Variants in CSMD1 observed in about 807,000 individuals in gnomAD.
The protein encoded by CSMD1 is CUB and Sushi multiple domains 1, also known as CUB and sushi domain-containing protein 1.
CSMD1 carries 213 observed loss-of-function variants against 417.5 expected under a neutral mutation model. The observed-to-expected ratio is 0.51, with a 90% CI of 0.46 to 0.57. The LOEUF (loss-of-function observed/expected upper bound fraction) is 0.57, where lower values mean the gene tolerates loss of function less well. Ranked by LOEUF, CSMD1 falls within the 20% of genes least tolerant of loss-of-function variation. The pLI, the probability that CSMD1 is intolerant of heterozygous loss-of-function variation, is 0.00. For synonymous variants in CSMD1, 2,862 were observed against 1,736.8 expected (o/e 1.65, Z -16.11); for missense variants, 6,923 against 4,529.7 (o/e 1.53, Z -15.17).
chr8:4,211,833 C>G (rs1226446903), intron 3 of CSMD1, among the ~76,000 whole-genome samples: 1 of 152,152 alleles, frequency 6.6e-6, no homozygotes, highest in Non-Finnish European at 1.5e-5. Flanking sequence ...CAGTAGGAGT[C>G]TTTGAGGGTG....
At chr8:4,024,985 G>C (rs550560340) in intron 4 of CSMD1, among the ~76,000 whole-genome samples, 12 of 152,334 alleles carry the variant, frequency 7.9e-5, no homozygotes, top group Non-Finnish European at 2.9e-5. Context: ...GGCTAGGCCT[G>C]GGTGGGTTTA....
intron 3 of CSMD1, among the ~76,000 whole-genome samples, chr8:4,238,237 T>C (rs974669548): frequency 1.2e-4 from 18 of 152,298 alleles, no homozygotes; most frequent in Non-Finnish European, 2.5e-4. Flanking sequence ...GAGGGTCTTC[T>C]ATGTGCCAGA....
chr8:3,992,129 T>C (rs1023722806), intron 5 of CSMD1, among the ~76,000 whole-genome samples: 5 of 151,406 alleles, frequency 3.3e-5, no homozygotes, highest in African/African-American at 1.2e-4. Flanking sequence ...TATATATGTG[T>C]GTGTGTGTGT....
At chr8:3,383,769 T>C (rs999529146) in intron 18 of CSMD1, among the ~76,000 whole-genome samples, 3 of 152,040 alleles carry the variant, frequency 2.0e-5, no homozygotes, top group Non-Finnish European at 4.4e-5. Flanking sequence ...AGATGCTTTA[T>C]AAGAGATGAT....
chr8:3,947,830 A>G (rs2129837307), intron 5 of CSMD1, among the ~76,000 whole-genome samples: 1 of 152,344 alleles, frequency 6.6e-6, no homozygotes, highest in South Asian at 2.1e-4. Context: ...AGTAGGTCAC[A>G]TTTGTTAACA....
At chr8:3,732,087 G>A (rs1464432833) in intron 6 of CSMD1, among the ~76,000 whole-genome samples, 1 of 152,128 alleles carries the variant, frequency 6.6e-6, no homozygotes, top group Non-Finnish European at 1.5e-5. Context: ...CTAATAAAAT[G>A]GATGCCACCA....
intron 5 of CSMD1, among the ~76,000 whole-genome samples, chr8:3,844,610 C>A (rs576470807): frequency 6.5e-4 from 99 of 152,054 alleles, no homozygotes; most frequent in Non-Finnish European, 9.3e-4. Context: ...AAGGGGGTGT[C>A]CTCCCATCTG....
chr8:3,411,833 T>G (rs570237034), intron 12 of CSMD1, among the ~76,000 whole-genome samples: 1 of 94,242 alleles, frequency 1.1e-5, no homozygotes, highest in African/African-American at 3.8e-5. Flanking sequence ...TATGTATATA[T>G]GCACGTATAT....
At position 2,986,596 on chromosome 8, in the gene CSMD1, C is replaced by G. The variant is rs1353070376; in HGVS notation, c.8378-7796G>C. ...CTCAGCTCACTGCAAGCTACACCTCCCGGGTTCACACCATTCTCCTGCCTC... is the reference window on the plus strand; with the variant it reads ...CTCAGCTCACTGCAAGCTACACCTCGCGGGTTCACACCATTCTCCTGCCTC... On this transcript the variant is annotated intron_variant, in intron 54 of 69. Coordinates refer to ENST00000635120, the MANE Select transcript of CSMD1 (RefSeq NM_033225.6). 2.0e-5 allele frequency among the ~76,000 whole-genome samples: 3 copies of G among 152,128 alleles called. No individual in the cohort carries two copies. In the East Asian group the frequency reaches 5.8e-4, roughly 29 times the overall value.
intron 12 of CSMD1, among the ~76,000 whole-genome samples, chr8:3,416,028 G>C (rs374907734): frequency 6.6e-6 from 1 of 152,170 alleles, no homozygotes; most frequent in Admixed American, 6.5e-5. Context: ...TTGGCTGGGC[G>C]CGGCGGCTCA....
At chr8:3,243,590 C>G (rs111767766) in intron 26 of CSMD1, among the ~76,000 whole-genome samples, 1 of 151,948 alleles carries the variant, frequency 6.6e-6, no homozygotes, top group Non-Finnish European at 1.5e-5. Flanking sequence ...AAGGCAGGAA[C>G]AGGCCATTTT....
chr8:4,315,513 G>C (rs1004689373), intron 3 of CSMD1, among the ~76,000 whole-genome samples: 8 of 152,150 alleles, frequency 5.3e-5, no homozygotes, highest in East Asian at 1.9e-4. Context: ...AACCAATAAA[G>C]TAGAAAATTA....
At chr8:3,133,910 C>G (rs1817932945) in intron 41 of CSMD1, among the ~76,000 whole-genome samples, 1 of 152,216 alleles carries the variant, frequency 6.6e-6, no homozygotes, top group African/African-American at 2.4e-5. Flanking sequence ...CGCGGTGGCT[C>G]ACGCCTGTAA....
chr8:3,969,977 T>G (rs1430052421), intron 5 of CSMD1, among the ~76,000 whole-genome samples: 1 of 152,124 alleles, frequency 6.6e-6, no homozygotes, highest in African/African-American at 2.4e-5. Flanking sequence ...CAGGGAAGAG[T>G]TGTCAGTCAA....
chr8:4,677,190 A>G (rs1805750230), intron 1 of CSMD1, among the ~76,000 whole-genome samples: 2 of 150,300 alleles, frequency 1.3e-5, no homozygotes, highest in Admixed American at 6.7e-5. Context: ...ATGGTCAGGT[A>G]ACTATACATA....
chr8:4,439,993 TG>T (rs1474675200), intron 2 of CSMD1, among the ~76,000 whole-genome samples: 1 of 152,090 alleles, frequency 6.6e-6, no homozygotes, highest in South Asian at 2.1e-4. Flanking sequence ...AGCCTAGACA[TG>T]GGGGGTATAC....
chr8:4,796,547 C>G (rs1408139061), intron 1 of CSMD1, among the ~76,000 whole-genome samples: 1 of 151,576 alleles, frequency 6.6e-6, no homozygotes, highest in East Asian at 2.0e-4. Context: ...CGCTCTCAGA[C>G]TAGAGAGCAC....
chr8:4,230,738 C>A (rs966355392), intron 3 of CSMD1, among the ~76,000 whole-genome samples: 30 of 152,096 alleles, frequency 2.0e-4, no homozygotes, highest in African/African-American at 7.2e-4. Context: ...AAACCGATTA[C>A]AAGCTATTGA....
chr8:3,962,906 T>C (rs1253416166), intron 5 of CSMD1, among the ~76,000 whole-genome samples: 3 of 152,204 alleles, frequency 2.0e-5, no homozygotes, highest in African/African-American at 7.2e-5. Flanking sequence ...TCATTATGTC[T>C]ATTTTTTCCA....
Sources: gnomAD v4.1 joint callset for allele counts (sites outside exome capture counted in the v4.1 genomes callset) on GRCh38, gnomAD v4.1.1 for gene constraint, MANE v1.5 for transcripts, NCBI Gene and HGNC (gene_info 2026-07-23, HGNC 2026-07-21) for gene names.